Variants in TMEM170A observed in about 807,000 individuals in gnomAD.
TMEM170A encodes the protein transmembrane protein 170.
A neutral mutation model predicts 12.8 loss-of-function variants in TMEM170A; 18 were observed. The observed-to-expected ratio is 1.41, with a 90% CI of 0.97 to 2.09. The LOEUF (loss-of-function observed/expected upper bound fraction) is 2.09, where lower values mean the gene tolerates loss of function less well. Ranked by LOEUF, TMEM170A falls within the 30% of genes most tolerant of loss-of-function variation. The probability of loss-of-function intolerance (pLI) is 0.00; values close to 1 mark genes in which losing one functional copy is unlikely to be tolerated. For missense variants in TMEM170A, 220 were observed against 179.9 expected (o/e 1.22, Z -1.28); for synonymous variants, 107 against 76.2 (o/e 1.40, Z -2.11).
intron 1 of TMEM170A, among the ~76,000 whole-genome samples, chr16:75,454,022 C>G (rs2079736913): frequency 1.3e-5 from 2 of 152,338 alleles, no homozygotes; most frequent in African/African-American, 4.8e-5. Context: ...TTAGATAAAA[C>G]CCACTGTCCA....
rs527601083 is a variant in TMEM170A, at chr16:75,464,027, G to A, written c.133+441C>T. Among the ~76,000 whole-genome samples the A allele has an allele frequency of 1.6e-3, 248 of 152,318 alleles. 1 individual carries two copies. The highest frequency in any genetic ancestry group is 5.6e-3 in the African/African-American group (233 of 41,574). The stretch of plus-strand genomic sequence containing the variant: ...GGGCCGGGCTGCAGCCCCGGGGCAA[G>A]GGGAGCGCGAGCTCTGACTCCTCAG... On this transcript the variant is annotated intron_variant, in intron 1 of 2. Coordinates refer to ENST00000561878, the MANE Select transcript of TMEM170A (RefSeq NM_145254.3).
At chr16:75,463,949 G>A (rs1449182129) in intron 1 of TMEM170A, among the ~76,000 whole-genome samples, 3 of 152,258 alleles carry the variant, frequency 2.0e-5, no homozygotes, top group African/African-American at 7.2e-5. Flanking sequence ...GTCTCGGAGG[G>A]GGAGGATTTA....
At chr16:75,459,659 C>T (rs150963072) in intron 1 of TMEM170A, among the ~76,000 whole-genome samples, 1,706 of 152,168 alleles carry the variant, frequency 0.011, 16 homozygotes, top group Middle Eastern at 0.044. Context: ...GAGTTCAAGA[C>T]CAGCCTGGCC....
At chr16:75,458,228 G>A (rs533738498) in intron 1 of TMEM170A, 1 of 152,346 alleles carries the variant, frequency 6.6e-6, no homozygotes, top group Non-Finnish European at 1.5e-5. Flanking sequence ...TCCCTATGGT[G>A]AAGGTAAATC....
At chr16:75,454,175 T>C (rs1292716644) in intron 1 of TMEM170A, among the ~76,000 whole-genome samples, 1 of 134,044 alleles carries the variant, frequency 7.5e-6, no homozygotes, top group African/African-American at 2.5e-5. Flanking sequence ...CACTGTGCAC[T>C]GCAGGATATG....
At chr16:75,452,275 T>A (rs1484169316) in intron 1 of TMEM170A, among the ~76,000 whole-genome samples, 1 of 151,388 alleles carries the variant, frequency 6.6e-6, no homozygotes, top group East Asian at 2.0e-4. Flanking sequence ...CAGTCAAAAA[T>A]TTTTATTTTT....
At chr16:75,459,169 C>T (rs1442969176) in intron 1 of TMEM170A, among the ~76,000 whole-genome samples, 1 of 152,208 alleles carries the variant, frequency 6.6e-6, no homozygotes, top group Non-Finnish European at 1.5e-5. Context: ...GCTGGGATTA[C>T]AGGCATGAGC....
chr16:75,460,516 C>A (rs955582000), intron 1 of TMEM170A, among the ~76,000 whole-genome samples: 1 of 152,164 alleles, frequency 6.6e-6, no homozygotes, highest in Non-Finnish European at 1.5e-5. Context: ...AACACATGCT[C>A]TTCCCCAAGT....
chr16:75,463,801 C>G (rs1300512266), intron 1 of TMEM170A, among the ~76,000 whole-genome samples: 1 of 152,344 alleles, frequency 6.6e-6, no homozygotes, highest in South Asian at 2.1e-4. Context: ...TCTGAGCAAC[C>G]CTCCTAGCAG....
intron 2 of TMEM170A, among the ~76,000 whole-genome samples, chr16:75,448,950 G>A (rs942217815): frequency 2.0e-5 from 3 of 151,862 alleles, no homozygotes; most frequent in African/African-American, 7.3e-5. Context: ...AATCCTAGTT[G>A]CTTGGGTGGC....
At chr16:75,461,881 G>C (rs2079914884) in intron 1 of TMEM170A, among the ~76,000 whole-genome samples, 1 of 152,140 alleles carries the variant, frequency 6.6e-6, no homozygotes. Flanking sequence ...AAAAAGTTCT[G>C]AAAGTAAAAC....
At position 75,461,306 on chromosome 16, in the gene TMEM170A, G is replaced by A. The variant is rs572972559; in HGVS notation, c.133+3162C>T. ...TGACCTTAGATGATCCGCCCGCTTC[G>A]GCCTCCCAAAGTGCTGGGATTACAG... is the stretch of plus-strand genomic sequence containing the variant. On this transcript the variant is annotated intron_variant, in intron 1 of 2. Coordinates refer to ENST00000561878, the MANE Select transcript of TMEM170A (RefSeq NM_145254.3). Among the ~76,000 whole-genome samples, 284 of 152,218 alleles carry A rather than the reference G, an allele frequency of 1.9e-3. 1 individual carries two copies. Among genetic ancestry groups the A allele is most frequent in the Non-Finnish European group, 3.5e-3 (238 of 68,038 alleles).
At chr16:75,452,165 G>A (rs111804398) in intron 1 of TMEM170A, among the ~76,000 whole-genome samples, 56 of 151,928 alleles carry the variant, frequency 3.7e-4, no homozygotes, top group African/African-American at 1.3e-3. Flanking sequence ...TAGAGACGGG[G>A]TTTCACCATG....
At chr16:75,460,437 T>C (rs573597671) in intron 1 of TMEM170A, among the ~76,000 whole-genome samples, 2 of 152,280 alleles carry the variant, frequency 1.3e-5, no homozygotes, top group South Asian at 4.1e-4. Flanking sequence ...CCAGGCACCC[T>C]GGGCTCCTCA....
In TMEM170A at chr16:75,447,641, G is replaced by A. The variant is rs1297256396; in HGVS notation, c.352C>T (p.Pro118Ser). The A allele has an allele frequency of 6.8e-6, 11 of 1,610,536 alleles. No homozygotes were observed. The Admixed American group carries it at 8.4e-5, about 12-fold the overall frequency. ...GTGCCCAGTGTGAGGGCTTCAAATG[G>A]TATCATTTCCTTCCCTGCTGCTCGG... Reference protein sequence around the residue: ...VYRAAGKEMIPFEALTLGTGQ... With the variant: ...VYRAAGKEMISFEALTLGTGQ... Residue 118 changes from proline (P) to serine (S), a missense_variant, in exon 3 of 3, where the codon CCA becomes TCA. Pro to Ser is a moderately conservative substitution (Grantham distance 74, BLOSUM62 -1). Transcript: ENST00000561878.
chr16:75,445,422 A>T lies in TMEM170A; in HGVS notation c.*2136T>A, dbSNP rs1364728459. The T allele has an allele frequency of 6.6e-6, 1 of 152,068 alleles. No individual in the cohort carries two copies. The highest frequency in any genetic ancestry group is 1.5e-5 in the Non-Finnish European group (1 of 68,050). The allele number at this position is 152,068 out of a possible 1,614,324, so 9.4% of individuals were successfully genotyped here. On this transcript the variant is annotated 3_prime_UTR_variant, in exon 3 of 3. Transcript: ENST00000561878. ...CCTCCCAGGCACAAGTGATCCTCCC[A>T]CTTTAGCCTCTTGGGTAGCTGAGGC... is the stretch of plus-strand genomic sequence containing the variant.
intron 2 of TMEM170A, among the ~76,000 whole-genome samples, chr16:75,447,990 C>A (rs1281720289): frequency 6.6e-6 from 1 of 152,164 alleles, no homozygotes; most frequent in Non-Finnish European, 1.5e-5. Flanking sequence ...TAGCAATTCC[C>A]ACATGACCAG....
intron 2 of TMEM170A, among the ~76,000 whole-genome samples, chr16:75,449,146 G>C (rs553546469): frequency 5.3e-5 from 8 of 151,994 alleles, no homozygotes; most frequent in Non-Finnish European, 8.8e-5. Context: ...CCCACAAAAT[G>C]CTCCAACAAA....
rs1364387905 is a variant in TMEM170A, at chr16:75,447,273, GTTGAC to G, written c.*280_*284del. The G allele has an allele frequency of 9.0e-6, 2 of 222,476 alleles. No individual in the cohort carries two copies. Among genetic ancestry groups the G allele is most frequent in the Admixed American group, 5.7e-5 (1 of 17,498 alleles). The allele number at this position is 222,476 out of a possible 1,614,324, so 13.8% of individuals were successfully genotyped here. A position where few individuals can be genotyped will look rare whatever the true frequency, so the allele number is the denominator to read the frequency against. On this transcript the variant is annotated 3_prime_UTR_variant, in exon 3 of 3. Transcript: ENST00000561878. ...CAAAGGATGCCACCCCAGAGACACT[GTTGAC>G]TTGGCTTGGGTAAAGGTACACATGA...
Sources: gnomAD v4.1 joint callset for allele counts (sites outside exome capture counted in the v4.1 genomes callset) on GRCh38, gnomAD v4.1.1 for gene constraint, MANE v1.5 for transcripts, NCBI Gene and HGNC (gene_info 2026-07-23, HGNC 2026-07-21) for gene names.